The following TBC1D19 variants were observed in gnomAD, a reference collection of about 807,000 sequenced individuals.
The protein encoded by TBC1D19 is TBC1 domain family member 19, also known as TBC1 domain family, member 19.
Under a neutral mutation model 89.0 loss-of-function variants are expected in TBC1D19, and 60 were observed. The ratio of observed to expected loss-of-function variants is 0.67; its 90% CI spans 0.55 to 0.84. The LOEUF is 0.84. Among genes scored for constraint, TBC1D19 ranks in the 40% least tolerant of loss-of-function variants. The pLI, the probability that TBC1D19 is intolerant of heterozygous loss-of-function variation, is 0.00. For synonymous variants in TBC1D19, 189 were observed against 199.7 expected, an observed-to-expected ratio of 0.95 and a Z score of 0.45; for missense variants, 500 against 610.8, an observed-to-expected ratio of 0.82 and a Z score of 1.91.
chr4:26,619,206 T>TC (rs1345691145), intron 3 of TBC1D19, among the ~76,000 whole-genome samples: 1 of 151,798 alleles, frequency 6.6e-6, no homozygotes, highest in African/African-American at 2.4e-5. Flanking sequence ...ATCCTAAATT[T>TC]CTTTTTTTTT....
At chr4:26,805,308 T>A in the TBC1D19 span, among the ~76,000 whole-genome samples, 3 of 152,206 alleles carry the variant, frequency 2.0e-5, no homozygotes, top group South Asian at 6.2e-4. Context: ...CAGGAATCTG[T>A]ATTTTGAATA....
the TBC1D19 span, among the ~76,000 whole-genome samples, chr4:26,855,237 A>G: frequency 6.6e-6 from 1 of 152,118 alleles, no homozygotes; most frequent in Non-Finnish European, 1.5e-5. Flanking sequence ...AGAACTTTTG[A>G]CTGTCACTTT....
At chr4:26,578,769 GC>G (rs1739018519) in intron 1 of TBC1D19, among the ~76,000 whole-genome samples, 1 of 152,114 alleles carries the variant, frequency 6.6e-6, no homozygotes, top group African/African-American at 2.4e-5. Flanking sequence ...AACCTCTTTT[GC>G]CCCAAGTTGT....
intron 10 of TBC1D19, among the ~76,000 whole-genome samples, chr4:26,673,446 T>TATATACACACACACAC (rs373807642): frequency 0.074 from 6,710 of 90,576 alleles, 373 homozygotes; most frequent in Admixed American, 0.11. Context: ...TATATATATA[T>TATATACACACACACAC]ACACACACAC....
intron 4 of TBC1D19, among the ~76,000 whole-genome samples, chr4:26,635,400 C>G (rs758980810): frequency 1.3e-5 from 2 of 151,816 alleles, no homozygotes; most frequent in Non-Finnish European, 2.9e-5. Flanking sequence ...TAAGAGGTAC[C>G]AAATAAGTCT....
chr4:26,590,319 C>T (rs969059313), intron 1 of TBC1D19, among the ~76,000 whole-genome samples: 1 of 152,048 alleles, frequency 6.6e-6, no homozygotes, highest in Non-Finnish European at 1.5e-5. Context: ...TTTATAGTGG[C>T]TTTCTACAGT....
chr4:26,612,670 A>G (rs572475310), intron 1 of TBC1D19, among the ~76,000 whole-genome samples: 1 of 152,180 alleles, frequency 6.6e-6, no homozygotes, highest in African/African-American at 2.4e-5. Context: ...AACACTAATA[A>G]CACACATTTA....
At chr4:26,624,568 G>A (rs1742269637) in intron 4 of TBC1D19, among the ~76,000 whole-genome samples, 1 of 151,986 alleles carries the variant, frequency 6.6e-6, no homozygotes. Flanking sequence ...CTTGAAAGAA[G>A]TAACAGTTTA....
rs974922672 is a variant in TBC1D19, at chr4:26,630,969, C to T, written c.295-6242C>T. Among the ~76,000 whole-genome samples the T allele has an allele frequency of 4.6e-5, 7 of 151,990 alleles. No individual in the cohort carries two copies. The East Asian group carries it at 1.2e-3, about 25-fold the overall frequency. ...CTTGCTTCTTCATCTTGGATTTCCC[C>T]TCATTGTCAGGAAATTCTATTCCTG... On this transcript the variant is annotated intron_variant, in intron 4 of 20. Coordinates refer to ENST00000264866, the MANE Select transcript of TBC1D19 (RefSeq NM_018317.4).
chr4:26,577,623 A>G (rs1739000737), intron 1 of TBC1D19, among the ~76,000 whole-genome samples: 1 of 152,174 alleles, frequency 6.6e-6, no homozygotes, highest in Non-Finnish European at 1.5e-5. Flanking sequence ...AGAGTCTAAT[A>G]GGTAGAGGTA....
chr4:26,717,311 A>G (rs1716689610), intron 13 of TBC1D19, among the ~76,000 whole-genome samples: 1 of 151,870 alleles, frequency 6.6e-6, no homozygotes, highest in Admixed American at 6.6e-5. Context: ...GCTGCTCCCA[A>G]ATTCCAGGCT....
chr4:26,590,571 G>T lies in TBC1D19; in HGVS notation c.99+6279G>T, dbSNP rs1404397737. Among the ~76,000 whole-genome samples the T allele has an allele frequency of 2.0e-5, 3 of 152,028 alleles. No homozygotes were observed. In the East Asian group the frequency reaches 5.8e-4, roughly 29 times the overall value. ...GAATTCTTCAATGAAGCCTGTGTCT[G>T]CAGTTTTCTATTTGAGAATATTTTT... On this transcript the variant is annotated intron_variant, in intron 1 of 20. Transcript: ENST00000264866.
the TBC1D19 span, among the ~76,000 whole-genome samples, chr4:26,844,480 T>C: frequency 2.6e-5 from 4 of 152,260 alleles, no homozygotes; most frequent in African/African-American, 4.8e-5. Flanking sequence ...TTTAAAGCAT[T>C]GTAATGAAAA....
chr4:26,649,808 C>T (rs914737443), intron 7 of TBC1D19, among the ~76,000 whole-genome samples: 9 of 152,006 alleles, frequency 5.9e-5, no homozygotes, highest in Admixed American at 5.2e-4. Context: ...GTGTGCTGCA[C>T]CCATTAACTC....
At chr4:26,784,097 G>T in the TBC1D19 span, among the ~76,000 whole-genome samples, 1 of 152,082 alleles carries the variant, frequency 6.6e-6, no homozygotes, top group East Asian at 1.9e-4. Flanking sequence ...CAATGGCTTT[G>T]GCTTCAAATT....
intron 18 of TBC1D19, 48 bp downstream of exon 18, chr4:26,742,647 G>A (rs1264142070): frequency 3.9e-6 from 6 of 1,533,336 alleles, no homozygotes; most frequent in Admixed American, 1.7e-5. Flanking sequence ...TTCACAGAAA[G>A]CTCTTTTTTC....
intron 11 of TBC1D19, among the ~76,000 whole-genome samples, chr4:26,678,364 A>G (rs574500664): frequency 6.6e-6 from 1 of 152,362 alleles, no homozygotes; most frequent in Admixed American, 6.5e-5. Context: ...GCCAAAGTTA[A>G]GGATGTGCAT....
chr4:26,669,975 G>A (rs1429234745), intron 9 of TBC1D19, among the ~76,000 whole-genome samples: 1 of 151,626 alleles, frequency 6.6e-6, no homozygotes, highest in African/African-American at 2.4e-5. Context: ...TAACTGAGAA[G>A]AACCAGTTAT....
the TBC1D19 span, among the ~76,000 whole-genome samples, chr4:26,813,262 C>T: frequency 3.1e-4 from 46 of 150,576 alleles, no homozygotes; most frequent in Middle Eastern, 3.4e-3. Context: ...AACAAACAAA[C>T]GAAAAAAAAG....
Sources: allele counts gnomAD v4.1 joint callset (sites outside exome capture counted in the v4.1 genomes callset), GRCh38; gene constraint gnomAD v4.1.1; transcripts MANE v1.5; gene names NCBI Gene and HGNC (gene_info 2026-07-23, HGNC 2026-07-21).